The following SLC38A8 variants were observed in gnomAD, a reference collection of about 807,000 sequenced individuals.
The protein encoded by SLC38A8 is solute carrier family 38 member 8.
Under a neutral mutation model 46.0 loss-of-function variants are expected in SLC38A8, and 65 were observed. The observed-to-expected ratio is 1.41, with a 90% CI of 1.16 to 1.74. The LOEUF is 1.74. SLC38A8 is among the 40% of genes most tolerant of loss of function. The pLI, the probability that SLC38A8 is intolerant of heterozygous loss-of-function variation, is 0.00. For synonymous variants in SLC38A8, 447 were observed against 243.7 expected (o/e 1.83, Z -7.77); for missense variants, 998 against 567.9 (o/e 1.76, Z -7.70).
At chr16:84,018,669 T>C (rs905366853) in intron 7 of SLC38A8, among the ~76,000 whole-genome samples, 2 of 152,022 alleles carry the variant, frequency 1.3e-5, no homozygotes, top group African/African-American at 2.4e-5. Flanking sequence ...CACCAGACAA[T>C]CACATCAGCA....
intron 3 of SLC38A8, among the ~76,000 whole-genome samples, chr16:84,036,113 G>A (rs35064076): frequency 0.24 from 36,303 of 152,112 alleles, 4,391 homozygotes; most frequent in South Asian, 0.28. Context: ...AATTAAGGTC[G>A]AAACCGTGAA....
intron 6 of SLC38A8, among the ~76,000 whole-genome samples, chr16:84,024,041 G>A (rs2085129294): frequency 6.6e-6 from 1 of 152,246 alleles, no homozygotes; most frequent in South Asian, 2.1e-4. Flanking sequence ...CGCCCTGTGT[G>A]TTTGGGGTGG....
rs8053253 is a variant in SLC38A8 at position 84,036,538 on chromosome 16, C to G, written c.388+164G>C. ...GTCACCCAACTGGTGACTATCCATT[C>G]GGAGCCTCCCTTCCCTACCATGTTA... is the stretch of plus-strand genomic sequence containing the variant. On this transcript the variant is annotated intron_variant, in intron 3 of 10. Transcript: ENST00000299709. Among the ~76,000 whole-genome samples the G allele has an allele frequency of 0.39, 59,203 of 152,218 alleles. 11,992 individuals carry two copies. The highest frequency in any genetic ancestry group is 0.59 in the East Asian group (3,043 of 5,172).
At chr16:84,043,051 C>T (rs2085384967), upstream of SLC38A8, among the ~76,000 whole-genome samples, 1 of 152,168 alleles carries the variant, frequency 6.6e-6, no homozygotes. Flanking sequence ...TGAGCCCAGC[C>T]TCCTCCTCTG....
rs1306823741 is a variant in SLC38A8, at chr16:84,033,470, C to G, written c.389-1G>C. 4 of 1,596,778 alleles carry G rather than the reference C, an allele frequency of 2.5e-6. No individual in the cohort carries two copies. Among genetic ancestry groups the G allele is most frequent in the Middle Eastern group, 2.1e-4 (1 of 4,814 alleles). ...GTGCCAGACAGGAGGGAGTCACACA[C>G]TGCCAGAGACACGGGGAGAGCTGAG... is the stretch of plus-strand genomic sequence containing the variant. On this transcript the variant is annotated splice_acceptor_variant, in intron 3 of 10. Transcript: ENST00000299709. LOFTEE classifies it high-confidence loss of function.
At chr16:84,037,024 C>G (rs1040815003) in intron 2 of SLC38A8, 124 bp from the exon 3 acceptor site, 1 of 966,130 alleles carries the variant, frequency 1.0e-6, no homozygotes, top group Non-Finnish European at 1.5e-6. Context: ...CTGCTGCCAA[C>G]ATGGGGTTGG....
At position 84,036,197 on chromosome 16, in the gene SLC38A8, A is replaced by G. The variant is rs796202735; in HGVS notation, c.388+505T>C. Among the ~76,000 whole-genome samples the G allele has an allele frequency of 8.5e-5, 13 of 152,376 alleles. 1 individual carries two copies. The highest frequency in any genetic ancestry group is 2.9e-4 in the African/African-American group (12 of 41,590). On this transcript the variant is annotated intron_variant, in intron 3 of 10. Coordinates refer to ENST00000299709, the MANE Select transcript of SLC38A8 (RefSeq NM_001080442.3). Reference sequence around the variant, plus strand: ...AAACATCTCACAAGTCAAAGAAACCACAGTGAAAAGGAGCAAATATTTTAA... The same window carrying G: ...AAACATCTCACAAGTCAAAGAAACCGCAGTGAAAAGGAGCAAATATTTTAA...
chr16:84,036,778 A>AC lies in SLC38A8; in HGVS notation c.311dup (p.Cys104TrpfsTer2). Reference sequence around the variant, plus strand: ...GCAGGTTGAGGAGGAAGCAGGCCTCACACAGCTTCCCAATGGCAGGGCCAC... The same window carrying AC: ...GCAGGTTGAGGAGGAAGCAGGCCTCACCACAGCTTCCCAATGGCAGGGCCAC... On this transcript the variant is annotated frameshift_variant, in exon 3 of 11. Transcript: ENST00000299709. LOFTEE classifies it high-confidence loss of function. 1 of 1,614,202 alleles carries AC rather than the reference A, an allele frequency of 6.2e-7. No homozygotes were observed. Among genetic ancestry groups the AC allele is most frequent in the Non-Finnish European group, 8.5e-7 (1 of 1,180,032 alleles).
At chr16:84,011,320 G>A (rs547530036) in intron 10 of SLC38A8, among the ~76,000 whole-genome samples, 25 of 152,336 alleles carry the variant, frequency 1.6e-4, no homozygotes, top group South Asian at 6.2e-4. Flanking sequence ...TGAAGACTCC[G>A]AAAAGCATCC....
intron 2 of SLC38A8, chr16:84,039,825 AGGACAGG>A (rs2085348374): frequency 6.7e-6 from 1 of 149,300 alleles, no homozygotes; most frequent in Non-Finnish European, 1.5e-5. Context: ...CCATCCCTGG[AGGACAGG>A]GTCACAAGAG....
chr16:84,013,189 G>A lies in SLC38A8; in HGVS notation c.1163-137C>T, dbSNP rs531844037. On this transcript the variant is annotated intron_variant, in intron 9 of 10. Transcript: ENST00000299709. ...GGGTGCCCCTGGCTCAGGCCCCCTGGAGAGGCAACACAGTGGAGCTGGAAG... is the reference window on the plus strand; with the variant it reads ...GGGTGCCCCTGGCTCAGGCCCCCTGAAGAGGCAACACAGTGGAGCTGGAAG... 5.6e-4 allele frequency: 474 copies of A among 853,062 alleles called. 1 individual carries two copies. In the African/African-American group the frequency reaches 6.8e-3, roughly 12 times the overall value. 52.8% of individuals were successfully genotyped at this position (853,062 alleles called of 1,614,324 possible).
At chr16:84,026,460 C>A (rs759010873) in intron 6 of SLC38A8, among the ~76,000 whole-genome samples, 4 of 152,214 alleles carry the variant, frequency 2.6e-5, no homozygotes, top group Non-Finnish European at 4.4e-5. Flanking sequence ...CTCCTGACCT[C>A]AGGTGATCCA....
In SLC38A8 at chr16:84,031,821, C is replaced by CGTGCCT. The variant is rs768406702; in HGVS notation, c.632+40_632+45dup. 7 of 1,532,558 alleles carry CGTGCCT rather than the reference C, an allele frequency of 4.6e-6. No individual in the cohort carries two copies. In the Admixed American group the frequency reaches 1.2e-4, roughly 26 times the overall value. 94.9% of individuals were successfully genotyped at this position (1,532,558 alleles called of 1,614,324 possible). A position where few individuals can be genotyped will look rare whatever the true frequency, so the allele number is the denominator to read the frequency against. On this transcript the variant is annotated intron_variant, in intron 5 of 10. Transcript: ENST00000299709. ...AGACTCCCCTCACAGACTCCCCTGC[C>CGTGCCT]GTGCCTCCCCGCCGAGGCTGCCGGA...
At chr16:84,019,468 T>G (rs996839573) in intron 7 of SLC38A8, among the ~76,000 whole-genome samples, 1 of 152,188 alleles carries the variant, frequency 6.6e-6, no homozygotes, top group Non-Finnish European at 1.5e-5. Context: ...GATTAATCTG[T>G]TTATGAGAGC....
At chr16:84,018,111 G>C (rs1362428711) in intron 7 of SLC38A8, among the ~76,000 whole-genome samples, 1 of 151,762 alleles carries the variant, frequency 6.6e-6, no homozygotes, top group East Asian at 1.9e-4. Flanking sequence ...AGGCTGAGAA[G>C]TCCAAGATTG....
At chr16:84,038,348 G>A (rs1476261826) in intron 2 of SLC38A8, among the ~76,000 whole-genome samples, 1 of 151,564 alleles carries the variant, frequency 6.6e-6, no homozygotes, top group Non-Finnish European at 1.5e-5. Flanking sequence ...AAAGTTGCAA[G>A]AACGTTACAG....
chr16:84,013,171 C>T (rs948242772), intron 9 of SLC38A8, 119 bp from the exon 10 acceptor site: 14 of 1,119,978 alleles, frequency 1.3e-5, no homozygotes, highest in Non-Finnish European at 1.7e-5. Flanking sequence ...CATGGGTGCC[C>T]CTGGCTCAGG....
chr16:84,036,747 T>C lies in SLC38A8; in HGVS notation c.343A>G (p.Ile115Val), dbSNP rs761570078. 1.2e-6 allele frequency: 2 copies of C among 1,614,056 alleles called. No individual in the cohort carries two copies. The highest frequency in any genetic ancestry group is 1.7e-6 in the Non-Finnish European group (2 of 1,180,024). ...ATCACCCTGAGGAAGGCCACGGAGA[T>C]CATGAGCAGGTTGAGGAGGAAGCAG... ...EACFLLNLLM[I>V]SVAFLRVIGD... The change falls in exon 3 of 11, where the codon ATC (isoleucine) becomes GTC (valine). Residue 115 changes from isoleucine (I) to valine (V), a missense_variant. Ile to Val is a conservative substitution (Grantham distance 29). Coordinates refer to ENST00000299709, the MANE Select transcript of SLC38A8 (RefSeq NM_001080442.3).
intron 6 of SLC38A8, among the ~76,000 whole-genome samples, chr16:84,029,197 C>A (rs750299360): frequency 6.6e-6 from 1 of 152,146 alleles, no homozygotes; most frequent in Non-Finnish European, 1.5e-5. Context: ...GGGACAGGTC[C>A]CGGGTCCCCA....
Sources: gnomAD v4.1 joint callset for allele counts (sites outside exome capture counted in the v4.1 genomes callset) on GRCh38, gnomAD v4.1.1 for gene constraint, MANE v1.5 for transcripts, NCBI Gene and HGNC (gene_info 2026-07-23, HGNC 2026-07-21) for gene names.